Variants in RPS17 observed in about 807,000 individuals in gnomAD.
RPS17 encodes ribosomal protein S17.
For synonymous variants in RPS17, 75 were observed against 65.6 expected (o/e 1.14, Z -0.70); for missense variants, 68 against 182.3 (o/e 0.37, Z 3.61).
intron 1 of RPS17, 115 bp downstream of exon 1, chr15:82,540,311 C>T: frequency 6.3e-7 from 1 of 1,582,932 alleles, no homozygotes; most frequent in South Asian, 1.1e-5. Context: ...TGCGCTCCAG[C>T]CTGACAGGGC....
At chr15:82,537,787 T>A in intron 4 of RPS17, 3 of 440,282 alleles carry the variant, frequency 6.8e-6, no homozygotes. Flanking sequence ...AAAATGAAGT[T>A]GTTCAAAATC....
chr15:82,540,184 A>T (rs1050004450), intron 1 of RPS17, 52 bp from the exon 2 acceptor site: 25 of 1,613,210 alleles, frequency 1.5e-5, no homozygotes, highest in Non-Finnish European at 2.0e-5. Flanking sequence ...CCTTCTGGGA[A>T]GAGTGCGGCG....
intron 3 of RPS17, 43 bp downstream of exon 3, chr15:82,538,837 C>A (rs1012055534): frequency 5.0e-6 from 8 of 1,595,448 alleles, no homozygotes; most frequent in Non-Finnish European, 6.9e-6. Context: ...ATAGCTTTAT[C>A]ATTTGAGGAT....
chr15:82,538,415 T>G, intron 3 of RPS17, 44 bp from the exon 4 acceptor site: 2 of 1,600,402 alleles, frequency 1.2e-6, no homozygotes, highest in East Asian at 2.2e-5. Flanking sequence ...TCAATGAGAT[T>G]ATCACTCACC....
chr15:82,539,699 GAAAA>G, intron 2 of RPS17: 4 of 560,398 alleles, frequency 7.1e-6, no homozygotes, highest in South Asian at 2.0e-5. Flanking sequence ...AAAAAAAAAA[GAAAA>G]AAAAGAAAGA....
Position 82,538,312 on chromosome 15 carries a change from C to T in RPS17, c.321G>A (p.Lys107=). Reference sequence around the variant, plus strand: ...GAATCCAGCAAACACTTACCAAAAGCTTCAGCATTTCCTTAGTGTCAGGAT... The same window carrying T: ...GAATCCAGCAAACACTTACCAAAAGTTTCAGCATTTCCTTAGTGTCAGGAT... ...EVDPDTKEML[K]LLDFGSLSNL... Residue 107 remains lysine (K), a synonymous_variant, in exon 4 of 5, where the codon AAG becomes AAA. Coordinates refer to ENST00000647841, the MANE Select transcript of RPS17 (RefSeq NM_001021.6). 6.2e-7 allele frequency: 1 copy of T among 1,613,574 alleles called. No individual in the cohort carries two copies. The highest frequency in any genetic ancestry group is 1.1e-5 in the South Asian group (1 of 91,046).
At chr15:82,538,451 T>TA in intron 3 of RPS17, 80 bp from the exon 4 acceptor site, 1 of 1,481,464 alleles carries the variant, frequency 6.8e-7, no homozygotes, top group Non-Finnish European at 9.4e-7. Context: ...CCCAGGTTCT[T>TA]AAATATGGGG....
chr15:82,539,848 T>C, intron 2 of RPS17, 133 bp downstream of exon 2: 2 of 1,447,772 alleles, frequency 1.4e-6, no homozygotes, highest in East Asian at 2.3e-5. Context: ...CGCAGAGCTC[T>C]AGCCCTTCTC....
chr15:82,538,526 C>A (rs1473026358), intron 3 of RPS17, 155 bp from the exon 4 acceptor site: 3 of 836,670 alleles, frequency 3.6e-6, no homozygotes, highest in Admixed American at 2.0e-5. Context: ...GTATTACAGA[C>A]CCCGATGACC....
At chr15:82,539,279 C>T (rs2150888084) in intron 2 of RPS17, 1 of 577,072 alleles carries the variant, frequency 1.7e-6, no homozygotes, top group Non-Finnish European at 3.3e-6. Flanking sequence ...TCATTTTCTT[C>T]CAATTTCAAA....
At chr15:82,539,657 C>G (rs2034308242) in intron 2 of RPS17, 1 of 436,648 alleles carries the variant, frequency 2.3e-6, no homozygotes, top group South Asian at 2.1e-5. Flanking sequence ...CCACTGCACT[C>G]TAGCCTGGGC....
intron 2 of RPS17, 51 bp downstream of exon 2, chr15:82,539,925 GGCAGA>G (rs1217604899): frequency 2.8e-5 from 45 of 1,611,696 alleles, no homozygotes; most frequent in Middle Eastern, 2.2e-4. Flanking sequence ...GTCGGAGGGC[GGCAGA>G]GCACACAAAC....
At chr15:82,537,166 C>T (rs1208582608) in intron 4 of RPS17, 2 of 521,624 alleles carry the variant, frequency 3.8e-6, no homozygotes, top group African/African-American at 1.9e-5. Context: ...CTATCAATCA[C>T]TCTAAAACAC....
rs1432466075 is a variant in RPS17 at position 82,540,135 on chromosome 15, G to A, written c.4-3C>T. The A allele has an allele frequency of 2.5e-6, 4 of 1,613,728 alleles. No homozygotes were observed. In the East Asian group the frequency reaches 6.7e-5, roughly 27 times the overall value. ...ACGGTTTTGGTGCGAACGCGGCCCT[G>A]CGGGTGGAGAGGACAGGATCACTCA... is the stretch of plus-strand genomic sequence containing the variant. On this transcript the variant is annotated splice_region_variant and splice_polypyrimidine_tract_variant and intron_variant, in intron 1 of 4. Transcript: ENST00000647841.
rs888476377 is a variant in RPS17 at position 82,539,648 on chromosome 15, C to T, written c.155+333G>A. 2,956 of 431,002 alleles carry T rather than the reference C, an allele frequency of 6.9e-3. 40 individuals carry two copies. Among genetic ancestry groups the T allele is most frequent in the Middle Eastern group, 0.023 (32 of 1,382 alleles). 26.7% of individuals were successfully genotyped at this position (431,002 alleles called of 1,614,324 possible). A position where few individuals can be genotyped will look rare whatever the true frequency, so the allele number is the denominator to read the frequency against. On this transcript the variant is annotated intron_variant, in intron 2 of 4. Coordinates refer to ENST00000647841, the MANE Select transcript of RPS17 (RefSeq NM_001021.6). ...AGGTTGCAGTGAGCCGAGATGGCGC[C>T]ACTGCACTCTAGCCTGGGCGCCAGG...
intron 4 of RPS17, 166 bp downstream of exon 4, chr15:82,538,140 C>G (rs1312983998): frequency 1.4e-6 from 1 of 729,978 alleles, no homozygotes; most frequent in Non-Finnish European, 2.5e-6. Flanking sequence ...ACTCAATGCA[C>G]ACAACTTCCG....
Position 82,540,365 on chromosome 15 carries a change from G to A in RPS17, c.3+61C>T, listed in dbSNP as rs934026790. ...AGGGCCTCTCTGTGGGCTGAGGACCGCGGGAAGCTGCAGATGGGGGACGAT... is the reference window on the plus strand; with the variant it reads ...AGGGCCTCTCTGTGGGCTGAGGACCACGGGAAGCTGCAGATGGGGGACGAT... On this transcript the variant is annotated intron_variant, in intron 1 of 4. Transcript: ENST00000647841. 1.1e-5 allele frequency: 17 copies of A among 1,585,886 alleles called. No individual in the cohort carries two copies. The East Asian group carries it at 2.7e-4, about 25-fold the overall frequency.
At chr15:82,537,018 A>G in intron 4 of RPS17, 137 bp from the exon 5 acceptor site, 2 of 911,388 alleles carry the variant, frequency 2.2e-6, no homozygotes, top group Non-Finnish European at 3.6e-6. Flanking sequence ...TTAAGAGCCA[A>G]CAGGGTTCTC....
intron 4 of RPS17, 178 bp downstream of exon 4, chr15:82,538,128 T>C: frequency 1.5e-6 from 1 of 685,700 alleles, no homozygotes; most frequent in South Asian, 1.5e-5. Context: ...TGTGGCGAAC[T>C]AACTCAATGC....
Sources: allele counts gnomAD v4.1 joint callset, GRCh38; gene constraint gnomAD v4.1.1; transcripts MANE v1.5; gene names NCBI Gene and HGNC (gene_info 2026-07-23, HGNC 2026-07-21).